Variants in OR9Q1 observed in about 807,000 individuals in gnomAD.
OR9Q1 encodes the protein olfactory receptor family 9 subfamily Q member 1, also known as olfactory receptor 9Q1.
For missense variants in OR9Q1, 374 were observed against 378.8 expected (o/e 0.99, Z 0.11); for synonymous variants, 153 against 148.6 (o/e 1.03, Z -0.22).
chr11:58,095,295 C>T (rs965589402), intron 2 of OR9Q1, among the ~76,000 whole-genome samples: 1 of 152,224 alleles, frequency 6.6e-6, no homozygotes, highest in African/African-American at 2.4e-5. Context: ...GGCTGGTACA[C>T]CAGGTGGCTG....
chr11:58,131,535 T>C (rs919371730), intron 2 of OR9Q1, among the ~76,000 whole-genome samples: 15 of 152,022 alleles, frequency 9.9e-5, no homozygotes, highest in African/African-American at 3.6e-4. Flanking sequence ...AACAATGTTT[T>C]ATATAATTTT....
At chr11:58,156,375 C>A (rs1447965711) in intron 2 of OR9Q1, among the ~76,000 whole-genome samples, 4 of 152,174 alleles carry the variant, frequency 2.6e-5, no homozygotes, top group Non-Finnish European at 5.9e-5. Flanking sequence ...CTGCTGCTAC[C>A]TTGTGTGGGA....
rs532647712 is a variant in OR9Q1, at chr11:58,170,230, TG to T, written c.-14-9195del. On this transcript the variant is annotated intron_variant, in intron 2 of 2. Coordinates refer to ENST00000335397, the MANE Select transcript of OR9Q1 (RefSeq NM_001005212.4). ...ATTTACAGACCCCCTCACTCAGGTT[TG>T]GGGGGTACTGGGACATTGACTCCTT... Among the ~76,000 whole-genome samples, 542 of 152,210 alleles carry T rather than the reference TG, an allele frequency of 3.6e-3. 6 individuals carry two copies. Among genetic ancestry groups the T allele is most frequent in the African/African-American group, 0.012 (515 of 41,544 alleles).
At chr11:58,071,568 C>G (rs1401778799) in intron 2 of OR9Q1, among the ~76,000 whole-genome samples, 2 of 151,924 alleles carry the variant, frequency 1.3e-5, no homozygotes, top group Non-Finnish European at 2.9e-5. Flanking sequence ...GTTTGCATTC[C>G]TTTGATTAAA....
chr11:58,133,496 G>A (rs778405278), intron 2 of OR9Q1, among the ~76,000 whole-genome samples: 2 of 152,208 alleles, frequency 1.3e-5, no homozygotes, highest in Non-Finnish European at 2.9e-5. Flanking sequence ...ACAATGTGCT[G>A]GGACTTAATA....
chr11:58,131,615 C>A (rs569498015), intron 2 of OR9Q1, among the ~76,000 whole-genome samples: 1 of 152,054 alleles, frequency 6.6e-6, no homozygotes, highest in South Asian at 2.1e-4. Flanking sequence ...ATTCTGACTA[C>A]CCTTGAGTTT....
Position 58,148,908 on chromosome 11 carries a change from A to G in OR9Q1, c.-14-30523A>G, listed in dbSNP as rs183189112. ...CAAGATGCTTCATGGACATTATACA[A>G]TTCGTCCTTTTGGTCCTGTTGGGAA... On this transcript the variant is annotated intron_variant, in intron 2 of 2. Transcript: ENST00000335397. 8.4e-4 allele frequency among the ~76,000 whole-genome samples: 128 copies of G among 152,316 alleles called. 1 individual carries two copies. Among genetic ancestry groups the G allele is most frequent in the African/African-American group, 2.7e-3 (113 of 41,576 alleles).
At chr11:58,031,056 C>T in intron 1 of OR9Q1, 2 of 1,614,146 alleles carry the variant, frequency 1.2e-6, no homozygotes, top group Non-Finnish European at 1.7e-6. Flanking sequence ...CTCTTCCTCA[C>T]CATGTACCTG....
At chr11:58,066,232 G>A (rs1353891584) in intron 2 of OR9Q1, among the ~76,000 whole-genome samples, 2 of 152,188 alleles carry the variant, frequency 1.3e-5, no homozygotes, top group East Asian at 3.9e-4. Context: ...TGTGTAAGGG[G>A]TCGCAGCCCG....
intron 1 of OR9Q1, among the ~76,000 whole-genome samples, chr11:58,038,050 G>T (rs1324232564): frequency 6.6e-6 from 1 of 151,340 alleles, no homozygotes; most frequent in Non-Finnish European, 1.5e-5. Context: ...ATATTTTTGA[G>T]ATAAATTACA....
intron 2 of OR9Q1, among the ~76,000 whole-genome samples, chr11:58,110,234 T>C (rs1292535445): frequency 6.6e-6 from 1 of 152,184 alleles, no homozygotes; most frequent in East Asian, 1.9e-4. Flanking sequence ...AGTATTATGC[T>C]TGGCTCTGTG....
In OR9Q1 at chr11:58,140,314, G is replaced by T. The variant is rs1430669945; in HGVS notation, c.-14-39117G>T. On this transcript the variant is annotated intron_variant, in intron 2 of 2. Transcript: ENST00000335397. ...AATTAGATCCCATTTGTCAATTTTG[G>T]CTTTTGTTGCCATTGCTTTTGGTGT... 1.5e-4 allele frequency among the ~76,000 whole-genome samples: 23 copies of T among 152,136 alleles called. No homozygotes were observed. The South Asian group carries it at 4.6e-3, about 30-fold the overall frequency.
At position 58,164,158 on chromosome 11, in the gene OR9Q1, G is replaced by T. The variant is rs141820896; in HGVS notation, c.-14-15273G>T. Among the ~76,000 whole-genome samples, 599 of 152,244 alleles carry T rather than the reference G, an allele frequency of 3.9e-3. 4 individuals are homozygous for T. The highest frequency in any genetic ancestry group is 0.016 in the South Asian group (75 of 4,818). Reference sequence around the variant, plus strand: ...CCTTGTCTCGGCTTGCAGGGGTTGGGGGGATGCGCATGTAGGGATTTATGG... The same window carrying T: ...CCTTGTCTCGGCTTGCAGGGGTTGGTGGGATGCGCATGTAGGGATTTATGG... On this transcript the variant is annotated intron_variant, in intron 2 of 2. Transcript: ENST00000335397.
At chr11:58,144,114 G>T (rs2119876569) in intron 2 of OR9Q1, among the ~76,000 whole-genome samples, 1 of 151,500 alleles carries the variant, frequency 6.6e-6, no homozygotes, top group East Asian at 1.9e-4. Context: ...TGCCATGTTG[G>T]TGTGCTGCAA....
intron 2 of OR9Q1, among the ~76,000 whole-genome samples, chr11:58,097,181 C>A (rs1853740444): frequency 6.6e-6 from 1 of 152,054 alleles, no homozygotes; most frequent in Non-Finnish European, 1.5e-5. Flanking sequence ...TTGAGATTTG[C>A]CCATGTCGTT....
chr11:58,111,901 G>A (rs1455797296), intron 2 of OR9Q1, among the ~76,000 whole-genome samples: 1 of 151,994 alleles, frequency 6.6e-6, no homozygotes, highest in Non-Finnish European at 1.5e-5. Context: ...GGTGGGCATG[G>A]AAATTTTGAG....
intron 1 of OR9Q1, chr11:58,047,598 G>T (rs10792132): frequency 0.26 from 39,768 of 151,876 alleles, 5,742 homozygotes; most frequent in East Asian, 0.6. Flanking sequence ...GAGCAGCTGG[G>T]CACAGTCACT....
At chr11:58,048,344 C>T (rs974391098) in intron 1 of OR9Q1, among the ~76,000 whole-genome samples, 147 of 152,206 alleles carry the variant, frequency 9.7e-4, no homozygotes, top group African/African-American at 3.4e-3. Flanking sequence ...AAATATCACA[C>T]TGTATCTCAT....
intron 2 of OR9Q1, among the ~76,000 whole-genome samples, chr11:58,150,805 C>T (rs1470972286): frequency 6.6e-6 from 1 of 152,096 alleles, no homozygotes; most frequent in South Asian, 2.1e-4. Context: ...GAGTGTATTC[C>T]TTCTACTCAC....
Sources: gnomAD v4.1 joint callset for allele counts (sites outside exome capture counted in the v4.1 genomes callset) on GRCh38, gnomAD v4.1.1 for gene constraint, MANE v1.5 for transcripts, NCBI Gene and HGNC (gene_info 2026-07-23, HGNC 2026-07-21) for gene names.